The following ALK variants were observed in gnomAD, a reference collection of about 807,000 sequenced individuals.
The protein encoded by ALK is ALK receptor tyrosine kinase, also known as ALK tyrosine kinase receptor.
In ALK, 74 loss-of-function variants were observed where a neutral mutation model predicts 163.1. The ratio of observed to expected loss-of-function variants is 0.45; its 90% CI spans 0.38 to 0.55. The LOEUF (loss-of-function observed/expected upper bound fraction) is 0.55. Ranked by LOEUF, ALK falls within the 20% of genes least tolerant of loss-of-function variation. The pLI is 0.00. For synonymous variants in ALK, 960 were observed against 843.2 expected (o/e 1.14, Z -2.40); for missense variants, 2,063 against 2,105.3 (o/e 0.98, Z 0.39).
At chr2:29,392,677 G>C (rs1212888003) in intron 4 of ALK, among the ~76,000 whole-genome samples, 1 of 152,196 alleles carries the variant, frequency 6.6e-6, no homozygotes, top group East Asian at 1.9e-4. Flanking sequence ...TACAGACTTA[G>C]CCTCTAAATC....
At chr2:29,508,733 C>CAAAAAAAAAAAAAAAAAAA (rs60719550) in intron 4 of ALK, among the ~76,000 whole-genome samples, 1 of 65,496 alleles carries the variant, frequency 1.5e-5, no homozygotes, top group African/African-American at 6.8e-5. Context: ...ATCTGCAACT[C>CAAAAAAAAAAAAAAAAAAA]AAAAAAAAAA....
chr2:29,325,397 C>T (rs1424097960), intron 6 of ALK, among the ~76,000 whole-genome samples: 2 of 152,214 alleles, frequency 1.3e-5, no homozygotes, highest in African/African-American at 4.8e-5. Context: ...TGAGCACTTA[C>T]TTTGTGCCAG....
chr2:29,711,506 T>C (rs1413262341), intron 2 of ALK, among the ~76,000 whole-genome samples: 2 of 152,168 alleles, frequency 1.3e-5, no homozygotes, highest in Non-Finnish European at 2.9e-5. Context: ...TATTTGTCTT[T>C]ATCACTGACA....
At chr2:29,313,803 G>T (rs977128095) in intron 8 of ALK, among the ~76,000 whole-genome samples, 1 of 152,194 alleles carries the variant, frequency 6.6e-6, no homozygotes, top group South Asian at 2.1e-4. Flanking sequence ...GTTTGGTGGG[G>T]GCTGATAAAG....
At chr2:29,430,538 G>A (rs192820235) in intron 4 of ALK, among the ~76,000 whole-genome samples, 45 of 152,322 alleles carry the variant, frequency 3.0e-4, no homozygotes, top group African/African-American at 9.6e-4. Context: ...AAGCATGGCT[G>A]TGTTCCAACA....
chr2:29,556,809 G>A (rs1487391596), intron 3 of ALK, among the ~76,000 whole-genome samples: 2 of 152,156 alleles, frequency 1.3e-5, no homozygotes, highest in Non-Finnish European at 2.9e-5. Context: ...TAGCCCTCAA[G>A]GGCCATGAGG....
At chr2:29,557,676 G>T (rs1673900415) in intron 3 of ALK, among the ~76,000 whole-genome samples, 1 of 152,114 alleles carries the variant, frequency 6.6e-6, no homozygotes, top group Non-Finnish European at 1.5e-5. Flanking sequence ...TAGTGGGGTG[G>T]GGGATGTATA....
At chr2:29,234,385 C>T (rs1664313288) in intron 13 of ALK, among the ~76,000 whole-genome samples, 1 of 152,118 alleles carries the variant, frequency 6.6e-6, no homozygotes, top group Non-Finnish European at 1.5e-5. Flanking sequence ...TGAGAAGTCA[C>T]AGTTCTGAAG....
intron 9 of ALK, among the ~76,000 whole-genome samples, chr2:29,285,569 C>CTT (rs35035855): frequency 9.3e-4 from 132 of 142,124 alleles, no homozygotes; most frequent in Middle Eastern, 3.9e-3. Flanking sequence ...CTCAGTGGCT[C>CTT]TTTTTTTTTT....
chr2:29,384,272 A>T (rs930829809), intron 4 of ALK, among the ~76,000 whole-genome samples: 2 of 152,200 alleles, frequency 1.3e-5, no homozygotes, highest in Non-Finnish European at 2.9e-5. Context: ...AGAAAGAATG[A>T]TTGGTTTTCA....
chr2:29,823,781 C>T (rs1460476297), intron 1 of ALK, among the ~76,000 whole-genome samples: 1 of 152,140 alleles, frequency 6.6e-6, no homozygotes, highest in African/African-American at 2.4e-5. Context: ...CATAAAAGTT[C>T]AGAAAATTTG....
chr2:29,758,231 C>T (rs1336719833), intron 1 of ALK, among the ~76,000 whole-genome samples: 2 of 151,952 alleles, frequency 1.3e-5, no homozygotes, highest in African/African-American at 4.8e-5. Flanking sequence ...AGGCTGGTCT[C>T]AAACTCCTCC....
At chr2:29,209,229 G>A (rs1222066818) in intron 25 of ALK, among the ~76,000 whole-genome samples, 2 of 152,112 alleles carry the variant, frequency 1.3e-5, no homozygotes, top group Non-Finnish European at 2.9e-5. Context: ...AGTTGGAACC[G>A]ATGGACAACC....
intron 1 of ALK, among the ~76,000 whole-genome samples, chr2:29,866,749 G>C (rs1572451177): frequency 6.6e-6 from 1 of 152,188 alleles, no homozygotes; most frequent in Non-Finnish European, 1.5e-5. Flanking sequence ...AAACAGAGAA[G>C]AGTCTGAAAG....
intron 1 of ALK, among the ~76,000 whole-genome samples, chr2:29,857,085 A>G (rs1666160500): frequency 6.6e-6 from 1 of 152,222 alleles, no homozygotes; most frequent in Admixed American, 6.5e-5. Flanking sequence ...CTGTGGAGTT[A>G]GAACTGGGCT....
At chr2:29,628,244 A>G (rs561064369) in intron 3 of ALK, among the ~76,000 whole-genome samples, 1 of 152,358 alleles carries the variant, frequency 6.6e-6, no homozygotes, top group Admixed American at 6.5e-5. Context: ...CAAGCATTTT[A>G]CATTTGTCAA....
At chr2:29,911,643 A>C (rs1194207522) in intron 1 of ALK, among the ~76,000 whole-genome samples, 1 of 152,252 alleles carries the variant, frequency 6.6e-6, no homozygotes, top group East Asian at 1.9e-4. Context: ...AGAGGTGTGG[A>C]CAGACTCAAA....
chr2:29,663,874 C>T (rs957067109), intron 3 of ALK, among the ~76,000 whole-genome samples: 2 of 152,070 alleles, frequency 1.3e-5, no homozygotes, highest in Non-Finnish European at 2.9e-5. Flanking sequence ...GTCTATATGT[C>T]AAGTAACAAA....
At chr2:29,492,058 T>C (rs1671915840) in intron 4 of ALK, among the ~76,000 whole-genome samples, 1 of 152,162 alleles carries the variant, frequency 6.6e-6, no homozygotes, top group South Asian at 2.1e-4. Context: ...GAAATATCTA[T>C]CTAGTAGGAT....
Sources: gnomAD v4.1 joint callset for allele counts (sites outside exome capture counted in the v4.1 genomes callset) on GRCh38, gnomAD v4.1.1 for gene constraint, MANE v1.5 for transcripts, NCBI Gene and HGNC (gene_info 2026-07-23, HGNC 2026-07-21) for gene names.